ASIC2: variants seen among roughly 807,000 people sequenced by gnomAD.
The protein encoded by ASIC2 is acid-sensing ion channel 2.
In ASIC2, 25 loss-of-function variants were observed where a neutral mutation model predicts 57.3. That is an observed-to-expected ratio of 0.44 (90% CI 0.32 to 0.61). ASIC2 has a LOEUF of 0.61. ASIC2 is among the 20% of genes least tolerant of loss of function. The pLI, the probability that ASIC2 is intolerant of heterozygous loss-of-function variation, is 0.06. For synonymous variants in ASIC2, 319 were observed against 307.5 expected (o/e 1.04, Z -0.39); for missense variants, 641 against 738.1 (o/e 0.87, Z 1.52).
intron 9 of ASIC2, among the ~76,000 whole-genome samples, chr17:33,014,297 T>C (rs1030062389): frequency 6.6e-6 from 1 of 152,080 alleles, no homozygotes; most frequent in African/African-American, 2.4e-5. Flanking sequence ...CCTGGTTTGA[T>C]TGGCTGCTGG....
At chr17:33,539,103 G>C (rs1168607445) in intron 1 of ASIC2, among the ~76,000 whole-genome samples, 2 of 152,172 alleles carry the variant, frequency 1.3e-5, no homozygotes, top group Non-Finnish European at 2.9e-5. Context: ...TCTGAGAAAG[G>C]GTGACTATTG....
chr17:34,134,716 A>G (rs1912081923), intron 1 of ASIC2, among the ~76,000 whole-genome samples: 1 of 152,172 alleles, frequency 6.6e-6, no homozygotes, highest in Admixed American at 6.5e-5. Flanking sequence ...TATTTGCGCC[A>G]ATCCCAAGAT....
chr17:33,363,280 C>G (rs575061486), intron 1 of ASIC2, among the ~76,000 whole-genome samples: 180 of 152,286 alleles, frequency 1.2e-3, no homozygotes, highest in African/African-American at 3.9e-3. Context: ...CTGCACCCAG[C>G]CTCTCAGAAT....
intron 3 of ASIC2, among the ~76,000 whole-genome samples, chr17:33,055,906 C>T (rs1245932512): frequency 4.6e-5 from 7 of 152,176 alleles, no homozygotes; most frequent in South Asian, 2.1e-4. Context: ...CCGCACTCTG[C>T]GTCAGAATCA....
intron 1 of ASIC2, chr17:34,001,171 GTGTC>G (rs1292360802): frequency 6.6e-6 from 1 of 152,068 alleles, no homozygotes; most frequent in African/African-American, 2.4e-5. Flanking sequence ...CCTTGTGTTG[GTGTC>G]TGTATTTGAT....
chr17:33,099,176 G>A (rs1441013142), intron 2 of ASIC2, among the ~76,000 whole-genome samples: 1 of 151,310 alleles, frequency 6.6e-6, no homozygotes, highest in South Asian at 2.1e-4. Context: ...TTTTGTTGTT[G>A]TTGTTATTTT....
At chr17:33,101,841 T>C (rs1423433915) in intron 2 of ASIC2, among the ~76,000 whole-genome samples, 3 of 152,210 alleles carry the variant, frequency 2.0e-5, no homozygotes, top group South Asian at 2.1e-4. Context: ...AATAAATATT[T>C]TGTTTTTCCT....
At chr17:33,761,836 CTTT>C (rs34948462) in intron 1 of ASIC2, among the ~76,000 whole-genome samples, 39 of 137,344 alleles carry the variant, frequency 2.8e-4, no homozygotes, top group Admixed American at 3.7e-4. Context: ...AGCGCAAGGG[CTTT>C]TTTTTTTTTT....
chr17:33,619,912 A>C (rs1905729451), intron 1 of ASIC2, among the ~76,000 whole-genome samples: 1 of 152,216 alleles, frequency 6.6e-6, no homozygotes, highest in South Asian at 2.1e-4. Flanking sequence ...ATGAGAGAGC[A>C]ATTGCGTCTC....
At position 33,332,748 on chromosome 17, in the gene ASIC2, G is replaced by T. The variant is rs187491695; in HGVS notation, c.556-220681C>A. On this transcript the variant is annotated intron_variant, in intron 1 of 9. Coordinates refer to the ASIC2 transcript ENST00000359872. ...TCTACTAAAAATACAAAAATTAGCT[G>T]GGAATGGTTGTACATGTCTGTAGTC... is the stretch of plus-strand genomic sequence containing the variant. Among the ~76,000 whole-genome samples the T allele has an allele frequency of 5.1e-3, 774 of 152,188 alleles. 29 individuals are homozygous for T. The highest frequency in any genetic ancestry group is 0.048 in the Admixed American group (735 of 15,278).
chr17:33,671,947 T>G (rs1429866000), intron 1 of ASIC2, among the ~76,000 whole-genome samples: 1 of 152,182 alleles, frequency 6.6e-6, no homozygotes, highest in Non-Finnish European at 1.5e-5. Context: ...GCTCCCCACT[T>G]TAAATCAATT....
At chr17:33,124,071 A>G (rs1029124130) in intron 1 of ASIC2, among the ~76,000 whole-genome samples, 4 of 152,250 alleles carry the variant, frequency 2.6e-5, no homozygotes, top group African/African-American at 9.6e-5. Flanking sequence ...CTGATCAAGA[A>G]AAGGTCAAAT....
chr17:33,392,381 A>C (rs997692369), intron 1 of ASIC2, among the ~76,000 whole-genome samples: 7 of 151,886 alleles, frequency 4.6e-5, no homozygotes, highest in African/African-American at 1.7e-4. Flanking sequence ...CTTATGCCTC[A>C]GCTTCCCAAG....
intron 1 of ASIC2, among the ~76,000 whole-genome samples, chr17:34,022,262 C>T (rs2142029844): frequency 6.6e-6 from 1 of 152,294 alleles, no homozygotes; most frequent in African/African-American, 2.4e-5. Flanking sequence ...TCTGCACTTG[C>T]AGTTCCCAGC....
chr17:33,340,896 A>G (rs1281447906), intron 1 of ASIC2, among the ~76,000 whole-genome samples: 1 of 152,102 alleles, frequency 6.6e-6, no homozygotes, highest in African/African-American at 2.4e-5. Context: ...CTCTCAGGGA[A>G]TGACCCTGTA....
intron 1 of ASIC2, among the ~76,000 whole-genome samples, chr17:33,395,136 A>G (rs939419498): frequency 6.6e-6 from 1 of 151,016 alleles, no homozygotes; most frequent in Non-Finnish European, 1.5e-5. Context: ...CTACTCATCC[A>G]CACATTCCCC....
chr17:33,094,677 C>T (rs1225336226), intron 2 of ASIC2, among the ~76,000 whole-genome samples: 1 of 152,132 alleles, frequency 6.6e-6, no homozygotes, highest in Non-Finnish European at 1.5e-5. Flanking sequence ...AGACCTCACT[C>T]CCTGCAGGGG....
At chr17:33,316,322 G>T (rs1479468821) in intron 1 of ASIC2, among the ~76,000 whole-genome samples, 1 of 152,162 alleles carries the variant, frequency 6.6e-6, no homozygotes, top group African/African-American at 2.4e-5. Context: ...TTGGCTGGAA[G>T]TTCAGATCTC....
intron 3 of ASIC2, among the ~76,000 whole-genome samples, chr17:33,083,007 A>T (rs1567738134): frequency 6.6e-6 from 1 of 152,238 alleles, no homozygotes; most frequent in Admixed American, 6.5e-5. Context: ...TCTAAGCCAG[A>T]AACGATATGA....
Sources: allele counts gnomAD v4.1 joint callset (sites outside exome capture counted in the v4.1 genomes callset), GRCh38; gene constraint gnomAD v4.1.1; transcripts MANE v1.5; gene names NCBI Gene and HGNC (gene_info 2026-07-23, HGNC 2026-07-21).